The following NTNG1 variants were observed in gnomAD, a reference collection of about 807,000 sequenced individuals.
The protein encoded by NTNG1 is netrin-G1.
A neutral mutation model predicts 54.0 loss-of-function variants in NTNG1; 16 were observed. The observed-to-expected ratio is 0.30, with a 90% confidence interval of 0.20 to 0.45. NTNG1 has a LOEUF of 0.45. Ranked by LOEUF, NTNG1 falls within the 20% of genes least tolerant of loss-of-function variation. NTNG1 has a pLI of 1.00. For missense variants in NTNG1, 530 were observed against 678.7 expected (o/e 0.78, Z 2.43); for synonymous variants, 255 against 263.1 (o/e 0.97, Z 0.30).
At chr1:107,250,248 T>C (rs1381341516) in intron 2 of NTNG1, among the ~76,000 whole-genome samples, 1 of 152,130 alleles carries the variant, frequency 6.6e-6, no homozygotes, top group Non-Finnish European at 1.5e-5. Context: ...CCTCTTCTGG[T>C]AAAAATACAA....
chr1:107,315,752 C>T (rs568414164), intron 2 of NTNG1, among the ~76,000 whole-genome samples: 1 of 152,158 alleles, frequency 6.6e-6, no homozygotes, highest in Non-Finnish European at 1.5e-5. Flanking sequence ...TAATTGTTTA[C>T]TTTTGTAGGG....
chr1:107,285,657 G>T (rs1456349216), intron 2 of NTNG1, among the ~76,000 whole-genome samples: 2 of 152,104 alleles, frequency 1.3e-5, no homozygotes, highest in African/African-American at 2.4e-5. Context: ...ATTAAAAATG[G>T]CAGGAGACAC....
At chr1:107,438,008 T>C (rs512742) in intron 7 of NTNG1, among the ~76,000 whole-genome samples, 74,617 of 152,024 alleles carry the variant, frequency 0.49, 18,684 homozygotes, top group South Asian at 0.54. Context: ...TTGTATAATA[T>C]AGTAGTAATA....
intron 7 of NTNG1, among the ~76,000 whole-genome samples, chr1:107,448,836 C>T (rs1343893115): frequency 1.3e-5 from 2 of 151,882 alleles, no homozygotes; most frequent in African/African-American, 4.8e-5. Context: ...AAACAAGTAG[C>T]CTATTTGTTT....
In NTNG1 at chr1:107,471,310, C is replaced by G. The variant is rs201263217; in HGVS notation, c.1391-9301C>G. On this transcript the variant is annotated intron_variant, in intron 7 of 7. Coordinates refer to ENST00000370068, the MANE Select transcript of NTNG1 (RefSeq NM_001113226.3). ...GGTCGGATGCTGTCACACAGAGTCT[C>G]GCCACCGAAGTACCACTGTCTTCAG... Among the ~76,000 whole-genome samples the G allele has an allele frequency of 2.6e-5, 4 of 152,154 alleles. No homozygotes were observed. The East Asian group carries it at 7.7e-4, about 29-fold the overall frequency.
chr1:107,161,125 C>T (rs1217807462), intron 2 of NTNG1, among the ~76,000 whole-genome samples: 14 of 152,058 alleles, frequency 9.2e-5, no homozygotes, highest in Admixed American at 5.2e-4. Flanking sequence ...AACTGTGTTT[C>T]GTAGTGCCCA....
At chr1:107,145,807 T>C (rs1654063960) in intron 1 of NTNG1, among the ~76,000 whole-genome samples, 1 of 152,106 alleles carries the variant, frequency 6.6e-6, no homozygotes, top group African/African-American at 2.4e-5. Context: ...GTTCTCTAAA[T>C]TCGATCAATG....
At chr1:107,377,523 G>T (rs375097228) in intron 3 of NTNG1, among the ~76,000 whole-genome samples, 3 of 152,226 alleles carry the variant, frequency 2.0e-5, no homozygotes, top group South Asian at 2.1e-4. Context: ...TAAGTCTGTC[G>T]AATCCACCAT....
chr1:107,454,338 C>T (rs564956813), intron 7 of NTNG1, among the ~76,000 whole-genome samples: 2 of 152,284 alleles, frequency 1.3e-5, no homozygotes, highest in South Asian at 4.1e-4. Flanking sequence ...CCCATGCATA[C>T]TTTGCACAAG....
At chr1:107,425,310 C>T (rs995358945) in intron 5 of NTNG1, among the ~76,000 whole-genome samples, 1 of 151,812 alleles carries the variant, frequency 6.6e-6, no homozygotes, top group Non-Finnish European at 1.5e-5. Context: ...TAGTAATTAC[C>T]AGTAGGTAAT....
chr1:107,379,067 G>A (rs1671484048), intron 3 of NTNG1, among the ~76,000 whole-genome samples: 1 of 152,098 alleles, frequency 6.6e-6, no homozygotes, highest in South Asian at 2.1e-4. Flanking sequence ...TTCCTCTGAG[G>A]TAATTGACCT....
At chr1:107,357,202 C>T (rs887438992) in intron 3 of NTNG1, among the ~76,000 whole-genome samples, 2 of 152,154 alleles carry the variant, frequency 1.3e-5, no homozygotes, top group Non-Finnish European at 2.9e-5. Context: ...AGAGGACTAA[C>T]TTATGCCCTA....
intron 2 of NTNG1, among the ~76,000 whole-genome samples, chr1:107,216,578 G>A (rs1453676237): frequency 6.6e-6 from 1 of 151,996 alleles, no homozygotes; most frequent in Non-Finnish European, 1.5e-5. Flanking sequence ...TTTACATTTA[G>A]GTTCACCAGG....
At chr1:107,272,581 C>T (rs1664215745) in intron 2 of NTNG1, among the ~76,000 whole-genome samples, 1 of 152,118 alleles carries the variant, frequency 6.6e-6, no homozygotes, top group African/African-American at 2.4e-5. Context: ...TATTTATGTG[C>T]TCAGCCTGTC....
intron 3 of NTNG1, among the ~76,000 whole-genome samples, chr1:107,365,566 T>A (rs1035861616): frequency 6.6e-6 from 1 of 152,204 alleles, no homozygotes; most frequent in East Asian, 1.9e-4. Flanking sequence ...GCTTACCATA[T>A]GTGATGTAAT....
chr1:107,355,961 A>G (rs1385584743), intron 3 of NTNG1, among the ~76,000 whole-genome samples: 1 of 152,116 alleles, frequency 6.6e-6, no homozygotes, highest in Non-Finnish European at 1.5e-5. Flanking sequence ...TCCTAAAAAG[A>G]TTTTTGTGTA....
At chr1:107,324,217 G>C (rs1432989674) in intron 2 of NTNG1, 65 bp from the exon 3 acceptor site, 6 of 1,474,598 alleles carry the variant, frequency 4.1e-6, no homozygotes, top group Non-Finnish European at 5.6e-6. Context: ...CTGAGCAACA[G>C]CAATATGGCA....
chr1:107,307,105 G>C (rs1435873042), intron 2 of NTNG1, among the ~76,000 whole-genome samples: 1 of 152,144 alleles, frequency 6.6e-6, no homozygotes, highest in Non-Finnish European at 1.5e-5. Flanking sequence ...TAAGAGATAG[G>C]TATGATAGTA....
At chr1:107,363,421 A>G (rs1670406241) in intron 3 of NTNG1, among the ~76,000 whole-genome samples, 1 of 152,208 alleles carries the variant, frequency 6.6e-6, no homozygotes, top group African/African-American at 2.4e-5. Flanking sequence ...CATTTAGAAT[A>G]CACAGGAAAC....
Sources: allele counts gnomAD v4.1 joint callset (sites outside exome capture counted in the v4.1 genomes callset), GRCh38; gene constraint gnomAD v4.1.1; transcripts MANE v1.5; gene names NCBI Gene and HGNC (gene_info 2026-07-23, HGNC 2026-07-21).